Variants in NKAIN3 observed in about 807,000 individuals in gnomAD.
NKAIN3 encodes the protein sodium/potassium-transporting ATPase subunit beta-1-interacting protein 3.
In NKAIN3, 25 loss-of-function variants were observed where a neutral mutation model predicts 30.2. That is an observed-to-expected ratio of 0.83 (90% CI 0.60 to 1.16). NKAIN3 has a LOEUF of 1.16. Among genes scored for constraint, NKAIN3 ranks in the 50% most tolerant of loss-of-function variants. NKAIN3 has a pLI of 0.00. For synonymous variants in NKAIN3, 91 were observed against 89.6 expected (o/e 1.02, Z -0.09); for missense variants, 225 against 254.1 (o/e 0.89, Z 0.78).
chr8:62,328,341 C>T (rs539350851), intron 1 of NKAIN3, among the ~76,000 whole-genome samples: 6 of 152,202 alleles, frequency 3.9e-5, no homozygotes, highest in African/African-American at 1.2e-4. Flanking sequence ...TCTTACTTAA[C>T]GGACCTGCTA....
At chr8:62,629,765 T>G (rs1811898727) in intron 3 of NKAIN3, among the ~76,000 whole-genome samples, 1 of 152,168 alleles carries the variant, frequency 6.6e-6, no homozygotes, top group African/African-American at 2.4e-5. Context: ...ACATATGCTT[T>G]TTTAGACTGG....
rs1210875116 is a variant in NKAIN3 at position 62,971,061 on chromosome 8, C to G, written c.*5654C>G. 1.3e-5 allele frequency among the ~76,000 whole-genome samples: 1 copy of G among 76,022 alleles called. No homozygotes were observed. Among genetic ancestry groups the G allele is most frequent in the Non-Finnish European group, 2.4e-5 (1 of 41,084 alleles). 49.9% of individuals were successfully genotyped at this position (76,022 alleles called of 152,430 possible). A position where few individuals can be genotyped will look rare whatever the true frequency, so the allele number is the denominator to read the frequency against. On this transcript the variant is annotated 3_prime_UTR_variant, in exon 7 of 7. Transcript: ENST00000623646. Reference sequence around the variant, plus strand: ...GATGTGATTTCCCTAGAGACAAGGACCGAGACTCCTCTCATTGCTTCATCC... The same window carrying G: ...GATGTGATTTCCCTAGAGACAAGGAGCGAGACTCCTCTCATTGCTTCATCC...
At chr8:62,328,887 C>T (rs1361927659) in intron 1 of NKAIN3, among the ~76,000 whole-genome samples, 6 of 152,192 alleles carry the variant, frequency 3.9e-5, no homozygotes, top group South Asian at 4.1e-4. Context: ...CCTTGGGCTA[C>T]GTTGCACCAG....
intron 5 of NKAIN3, among the ~76,000 whole-genome samples, chr8:62,921,748 G>A (rs538722009): frequency 1.7e-4 from 26 of 152,088 alleles, no homozygotes; most frequent in African/African-American, 6.0e-4. Context: ...ACACTTTCAT[G>A]AGACTAGAAT....
At chr8:62,849,540 C>T (rs1391720974) in intron 4 of NKAIN3, among the ~76,000 whole-genome samples, 1 of 151,538 alleles carries the variant, frequency 6.6e-6, no homozygotes, top group Non-Finnish European at 1.5e-5. Context: ...TGTTGGTGTG[C>T]TGCACCCATT....
At chr8:62,675,546 T>C (rs1813447397) in intron 3 of NKAIN3, among the ~76,000 whole-genome samples, 1 of 152,072 alleles carries the variant, frequency 6.6e-6, no homozygotes, top group African/African-American at 2.4e-5. Flanking sequence ...CCCACACCAG[T>C]GGTATGCCAG....
intron 4 of NKAIN3, among the ~76,000 whole-genome samples, chr8:62,893,573 T>C (rs144989944): frequency 1.3e-5 from 2 of 152,310 alleles, no homozygotes; most frequent in Non-Finnish European, 2.9e-5. Context: ...TTTGTTCCAG[T>C]GATTCAGTGT....
chr8:62,847,406 G>A (rs575190172), intron 4 of NKAIN3, among the ~76,000 whole-genome samples: 37 of 152,044 alleles, frequency 2.4e-4, no homozygotes, highest in African/African-American at 5.3e-4. Context: ...ATTTCATTGC[G>A]GTTTTGATTT....
At chr8:62,964,684 A>G (rs1823655821) in intron 6 of NKAIN3, among the ~76,000 whole-genome samples, 1 of 152,020 alleles carries the variant, frequency 6.6e-6, no homozygotes, top group Non-Finnish European at 1.5e-5. Flanking sequence ...TTCTAACTCA[A>G]GAGACCTCAG....
intron 1 of NKAIN3, among the ~76,000 whole-genome samples, chr8:62,444,585 G>A (rs1805425599): frequency 6.6e-6 from 1 of 152,052 alleles, no homozygotes; most frequent in Non-Finnish European, 1.5e-5. Context: ...ATTCCATTAG[G>A]TATATATACA....
chr8:62,502,880 G>A (rs1807505324), intron 1 of NKAIN3, among the ~76,000 whole-genome samples: 1 of 152,126 alleles, frequency 6.6e-6, no homozygotes. Context: ...TAGATCTCTG[G>A]CTCTTAGTTG....
chr8:62,325,082 C>T (rs1450395210), intron 1 of NKAIN3, among the ~76,000 whole-genome samples: 1 of 151,982 alleles, frequency 6.6e-6, no homozygotes, highest in African/African-American at 2.4e-5. Context: ...CACCTGTCAC[C>T]CAAACCATGT....
chr8:62,324,456 C>A (rs903886662), intron 1 of NKAIN3, among the ~76,000 whole-genome samples: 1 of 152,034 alleles, frequency 6.6e-6, no homozygotes, highest in African/African-American at 2.4e-5. Flanking sequence ...TTTCAACTGA[C>A]CTTTCTACCA....
At chr8:62,788,359 T>C (rs1248324009) in intron 4 of NKAIN3, among the ~76,000 whole-genome samples, 1 of 152,220 alleles carries the variant, frequency 6.6e-6, no homozygotes, top group African/African-American at 2.4e-5. Context: ...TCTGTTCATA[T>C]CCTTCGCCCA....
At chr8:62,359,390 T>C (rs1816473608) in intron 1 of NKAIN3, among the ~76,000 whole-genome samples, 1 of 152,228 alleles carries the variant, frequency 6.6e-6, no homozygotes, top group South Asian at 2.1e-4. Flanking sequence ...CTATTGGGGC[T>C]TGTAGCTTAT....
At chr8:62,628,271 A>T (rs540132760) in intron 3 of NKAIN3, among the ~76,000 whole-genome samples, 42 of 152,180 alleles carry the variant, frequency 2.8e-4, no homozygotes, top group Non-Finnish European at 5.3e-4. Context: ...AGATGCTAAA[A>T]TGTCATTATC....
At chr8:62,467,807 C>G (rs1206181634) in intron 1 of NKAIN3, among the ~76,000 whole-genome samples, 1 of 151,644 alleles carries the variant, frequency 6.6e-6, no homozygotes, top group Non-Finnish European at 1.5e-5. Context: ...ACTTTGTCAC[C>G]CAGACTGGAG....
At chr8:62,601,933 A>G (rs1321250593) in intron 3 of NKAIN3, among the ~76,000 whole-genome samples, 1 of 152,034 alleles carries the variant, frequency 6.6e-6, no homozygotes, top group Non-Finnish European at 1.5e-5. Context: ...TTTTATAGTG[A>G]GATAATTTGA....
chr8:62,249,848 T>C (rs1812036661), intron 1 of NKAIN3, among the ~76,000 whole-genome samples: 1 of 152,152 alleles, frequency 6.6e-6, no homozygotes, highest in Non-Finnish European at 1.5e-5. Flanking sequence ...AATGGGAAGT[T>C]AGAAACTAGA....
Sources: allele counts gnomAD v4.1 joint callset (sites outside exome capture counted in the v4.1 genomes callset), GRCh38; gene constraint gnomAD v4.1.1; transcripts MANE v1.5; gene names NCBI Gene and HGNC (gene_info 2026-07-23, HGNC 2026-07-21).